Variants in TBX15 observed in about 807,000 individuals in gnomAD.
The protein encoded by TBX15 is T-box transcription factor 15.
TBX15 carries 18 observed loss-of-function variants against 53.9 expected under a neutral mutation model. The ratio of observed to expected loss-of-function variants is 0.33; its 90% CI spans 0.23 to 0.49. The LOEUF (loss-of-function observed/expected upper bound fraction) is 0.49. TBX15 is among the 20% of genes least tolerant of loss of function. TBX15 has a pLI of 0.98. For missense variants in TBX15, 692 were observed against 749.5 expected, an observed-to-expected ratio of 0.92 and a Z score of 0.90; for synonymous variants, 295 against 278.0, an observed-to-expected ratio of 1.06 and a Z score of -0.61.
intron 1 of TBX15, among the ~76,000 whole-genome samples, chr1:118,954,936 T>TC (rs1445424292): frequency 3.9e-5 from 6 of 152,246 alleles, no homozygotes; most frequent in Admixed American, 2.0e-4. Context: ...CCCAAGCACC[T>TC]CCTTGGCTAG....
chr1:118,941,758 A>G (rs956619993), intron 1 of TBX15, among the ~76,000 whole-genome samples: 3 of 152,170 alleles, frequency 2.0e-5, no homozygotes, highest in Admixed American at 6.5e-5. Flanking sequence ...AGGTCCATAA[A>G]TAAGTCTAAT....
intron 6 of TBX15, among the ~76,000 whole-genome samples, chr1:118,905,498 A>G (rs1654785683): frequency 6.6e-6 from 1 of 152,224 alleles, no homozygotes; most frequent in East Asian, 1.9e-4. Flanking sequence ...GCCAAAGAAT[A>G]TGATAAACAG....
chr1:118,956,108 C>T (rs1194437031), intron 1 of TBX15, among the ~76,000 whole-genome samples: 18 of 152,202 alleles, frequency 1.2e-4, no homozygotes, highest in Admixed American at 1.2e-3. Flanking sequence ...AGCAGGCCCT[C>T]ACCAGACACC....
chr1:118,904,481 G>C (rs903966894), intron 6 of TBX15, among the ~76,000 whole-genome samples: 3 of 152,128 alleles, frequency 2.0e-5, no homozygotes, highest in African/African-American at 7.2e-5. Context: ...TCAAAACTTG[G>C]TGTTAAATAG....
At chr1:118,903,274 C>A (rs575884901) in intron 6 of TBX15, among the ~76,000 whole-genome samples, 1 of 152,184 alleles carries the variant, frequency 6.6e-6, no homozygotes, top group Middle Eastern at 3.4e-3. Context: ...AGCCAAGGAC[C>A]TCTTTTGCAA....
chr1:118,922,084 C>T (rs1376323117), intron 5 of TBX15, among the ~76,000 whole-genome samples: 1 of 152,172 alleles, frequency 6.6e-6, no homozygotes, highest in African/African-American at 2.4e-5. Context: ...TAAATCATAT[C>T]TGCGCAGCCA....
At chr1:118,927,781 A>T (rs948398186) in intron 2 of TBX15, among the ~76,000 whole-genome samples, 1 of 152,230 alleles carries the variant, frequency 6.6e-6, no homozygotes, top group Admixed American at 6.5e-5. Flanking sequence ...AATAAAGTTC[A>T]CCATTCTTCT....
chr1:118,985,432 C>G (rs57729725), intron 1 of TBX15, among the ~76,000 whole-genome samples: 2,166 of 152,342 alleles, frequency 0.014, 49 homozygotes, highest in African/African-American at 0.049. Flanking sequence ...GCCGACAGCT[C>G]CACCTCTTCT....
intron 7 of TBX15, among the ~76,000 whole-genome samples, chr1:118,889,365 C>T (rs566208553): frequency 6.6e-6 from 1 of 152,126 alleles, no homozygotes. Flanking sequence ...AAAGAGGGAG[C>T]CCATCCTCTT....
chr1:118,954,259 A>G (rs1656607915), intron 1 of TBX15, among the ~76,000 whole-genome samples: 1 of 152,228 alleles, frequency 6.6e-6, no homozygotes, highest in African/African-American at 2.4e-5. Context: ...AGTGGGTGGC[A>G]TATCACAGCC....
At chr1:118,914,314 A>C (rs771990069) in intron 5 of TBX15, 135 bp from the exon 6 acceptor site, 1 of 894,136 alleles carries the variant, frequency 1.1e-6, no homozygotes, top group Non-Finnish European at 1.8e-6. Context: ...CTCAAGATTT[A>C]ATTTGAAGCT....
At chr1:118,963,410 T>C (rs563852945) in intron 1 of TBX15, among the ~76,000 whole-genome samples, 4 of 152,350 alleles carry the variant, frequency 2.6e-5, no homozygotes, top group African/African-American at 7.2e-5. Context: ...GCACCTTCCC[T>C]AGTGATAGTA....
intron 1 of TBX15, among the ~76,000 whole-genome samples, chr1:118,979,247 C>T (rs1019187123): frequency 1.2e-4 from 18 of 151,404 alleles, no homozygotes; most frequent in African/African-American, 3.9e-4. Context: ...GTTTTTTAAT[C>T]CCCAAGAGCA....
chr1:118,983,478 CG>C (rs1013975469), intron 1 of TBX15, among the ~76,000 whole-genome samples: 2 of 152,168 alleles, frequency 1.3e-5, no homozygotes, highest in African/African-American at 4.8e-5. Flanking sequence ...CCGATCAGTG[CG>C]CAGAAAAAGG....
intron 2 of TBX15, among the ~76,000 whole-genome samples, chr1:118,927,279 A>G (rs1655632260): frequency 1.3e-5 from 2 of 152,200 alleles, no homozygotes; most frequent in African/African-American, 4.8e-5. Context: ...ATGTGTGTGC[A>G]TGTGTGTAGC....
At chr1:118,970,612 C>G (rs909252190) in intron 1 of TBX15, among the ~76,000 whole-genome samples, 1 of 152,194 alleles carries the variant, frequency 6.6e-6, no homozygotes, top group Non-Finnish European at 1.5e-5. Flanking sequence ...CCATCTGTGT[C>G]AGAACCAAAA....
At chr1:118,888,455 C>G (rs1271825772) in intron 7 of TBX15, among the ~76,000 whole-genome samples, 1 of 152,206 alleles carries the variant, frequency 6.6e-6, no homozygotes, top group Non-Finnish European at 1.5e-5. Flanking sequence ...TGTCTTGTTT[C>G]TATACAGCTG....
intron 6 of TBX15, among the ~76,000 whole-genome samples, chr1:118,906,633 C>A (rs1309129463): frequency 6.6e-6 from 1 of 152,160 alleles, no homozygotes; most frequent in Non-Finnish European, 1.5e-5. Flanking sequence ...GATATTTTCT[C>A]CACCTCCCCT....
At chr1:118,903,714 C>T (rs192825377) in intron 6 of TBX15, among the ~76,000 whole-genome samples, 5 of 151,892 alleles carry the variant, frequency 3.3e-5, no homozygotes, top group Non-Finnish European at 5.9e-5. Flanking sequence ...AATTATCCAA[C>T]CAGAAAAAAA....
Sources: allele counts gnomAD v4.1 joint callset (sites outside exome capture counted in the v4.1 genomes callset), GRCh38; gene constraint gnomAD v4.1.1; transcripts MANE v1.5; gene names NCBI Gene and HGNC (gene_info 2026-07-23, HGNC 2026-07-21).